The following GPC5 variants were observed in gnomAD, a reference collection of about 807,000 sequenced individuals.
GPC5 encodes the protein glypican-5.
A neutral mutation model predicts 53.9 loss-of-function variants in GPC5; 47 were observed. That is an observed-to-expected ratio of 0.87 (90% CI 0.69 to 1.11). GPC5 has a LOEUF of 1.11. GPC5 is among the 50% of genes most tolerant of loss of function. The probability of loss-of-function intolerance (pLI) is 0.00; values close to 1 mark genes in which losing one functional copy is unlikely to be tolerated. For missense variants in GPC5, 748 were observed against 713.1 expected (o/e 1.05, Z -0.56); for synonymous variants, 286 against 263.3 (o/e 1.09, Z -0.84).
At chr13:91,504,343 G>T (rs1417662348) in intron 2 of GPC5, among the ~76,000 whole-genome samples, 1 of 151,958 alleles carries the variant, frequency 6.6e-6, no homozygotes, top group African/African-American at 2.4e-5. Context: ...AAGTCAGGAA[G>T]AATATCAGGA....
At chr13:91,430,143 T>C (rs79786943) in intron 1 of GPC5, among the ~76,000 whole-genome samples, 5,458 of 152,302 alleles carry the variant, frequency 0.036, 145 homozygotes, top group Middle Eastern at 0.068. Context: ...GACTGTACCA[T>C]ACTGGATATG....
intron 7 of GPC5, among the ~76,000 whole-genome samples, chr13:92,547,891 G>A (rs1406030991): frequency 1.4e-5 from 2 of 141,590 alleles, no homozygotes; most frequent in African/African-American, 2.7e-5. Flanking sequence ...GTGCAGTGGC[G>A]CGATCTCGGC....
At chr13:91,521,458 A>C (rs1429869308) in intron 2 of GPC5, among the ~76,000 whole-genome samples, 2 of 152,180 alleles carry the variant, frequency 1.3e-5, no homozygotes, top group African/African-American at 4.8e-5. Flanking sequence ...CATACAGATA[A>C]ATAGAAATAC....
chr13:92,682,997 G>A (rs888512436), intron 7 of GPC5, among the ~76,000 whole-genome samples: 1 of 152,160 alleles, frequency 6.6e-6, no homozygotes, highest in Non-Finnish European at 1.5e-5. Context: ...ACAAAACCCA[G>A]TGTAGTCAAG....
intron 7 of GPC5, among the ~76,000 whole-genome samples, chr13:92,409,555 T>C (rs1875952261): frequency 6.6e-6 from 1 of 152,040 alleles, no homozygotes; most frequent in Admixed American, 6.6e-5. Context: ...CTGTTGTGAA[T>C]GATAATACAT....
intron 7 of GPC5, among the ~76,000 whole-genome samples, chr13:92,461,881 G>C (rs530968496): frequency 6.6e-6 from 1 of 152,304 alleles, no homozygotes; most frequent in East Asian, 1.9e-4. Context: ...ACAACAGCCT[G>C]AGCTAAGACA....
intron 2 of GPC5, among the ~76,000 whole-genome samples, chr13:91,672,938 C>T (rs180546): frequency 0.22 from 33,847 of 152,050 alleles, 5,069 homozygotes; most frequent in African/African-American, 0.43. Context: ...TGCAGGGACA[C>T]GGATGAAGCT....
chr13:92,395,906 T>TG (rs34711585), intron 7 of GPC5, among the ~76,000 whole-genome samples: 2,696 of 146,082 alleles, frequency 0.018, 50 homozygotes, highest in Middle Eastern at 0.057. Context: ...TGTTTGTTTC[T>TG]GTTTTTTTTT....
chr13:92,223,182 C>G (rs180681196), intron 7 of GPC5, among the ~76,000 whole-genome samples: 1 of 152,148 alleles, frequency 6.6e-6, no homozygotes, highest in Non-Finnish European at 1.5e-5. Flanking sequence ...CGAGTTTACA[C>G]TTGACCTCAA....
At chr13:92,243,868 C>T (rs1333487551) in intron 7 of GPC5, among the ~76,000 whole-genome samples, 1 of 152,034 alleles carries the variant, frequency 6.6e-6, no homozygotes, top group Admixed American at 6.6e-5. Flanking sequence ...CAGAACCTAC[C>T]CTTTTTGGTA....
chr13:91,592,644 T>C (rs2032843976), intron 2 of GPC5, among the ~76,000 whole-genome samples: 1 of 152,232 alleles, frequency 6.6e-6, no homozygotes, highest in Admixed American at 6.5e-5. Context: ...CTTAGCTGTG[T>C]GCTCCAGCCC....
At chr13:92,781,617 C>A (rs1486184369) in intron 7 of GPC5, among the ~76,000 whole-genome samples, 1 of 152,056 alleles carries the variant, frequency 6.6e-6, no homozygotes, top group Non-Finnish European at 1.5e-5. Flanking sequence ...AAATTAACAA[C>A]AAGAAATGCA....
intron 7 of GPC5, among the ~76,000 whole-genome samples, chr13:92,209,638 T>C (rs2042360670): frequency 6.6e-6 from 1 of 152,050 alleles, no homozygotes; most frequent in Non-Finnish European, 1.5e-5. Context: ...ACACAGTAGA[T>C]ATAAAAATAA....
chr13:91,929,501 G>A (rs887244365), intron 6 of GPC5, among the ~76,000 whole-genome samples: 12 of 151,998 alleles, frequency 7.9e-5, no homozygotes, highest in Admixed American at 2.0e-4. Context: ...AATTTTCAAC[G>A]TAAACTTTTA....
intron 7 of GPC5, among the ~76,000 whole-genome samples, chr13:92,292,934 A>G: frequency 6.7e-6 from 1 of 149,834 alleles, no homozygotes; most frequent in Admixed American, 6.7e-5. Context: ...TCCTTTCCCC[A>G]CTTTATATTT....
intron 7 of GPC5, among the ~76,000 whole-genome samples, chr13:92,212,264 G>A (rs1046146618): frequency 5.9e-5 from 9 of 152,202 alleles, no homozygotes; most frequent in African/African-American, 2.2e-4. Flanking sequence ...GACAGATAGA[G>A]GTGAAGCAGT....
chr13:92,178,785 G>C (rs1043384619), intron 7 of GPC5, among the ~76,000 whole-genome samples: 13 of 151,982 alleles, frequency 8.6e-5, no homozygotes, highest in African/African-American at 3.1e-4. Context: ...GACCATCCTG[G>C]TTAACATGGT....
rs564338459 is a variant in GPC5, at chr13:92,561,132, T to G, written c.1562-305150T>G. ...GGAGTAGCCATAGTAAAATCCTTCT[T>G]CGGTGAAGTAATAGTGTAACATAAT... is the stretch of plus-strand genomic sequence containing the variant. On this transcript the variant is annotated intron_variant, in intron 7 of 7. Coordinates refer to ENST00000377067, the MANE Select transcript of GPC5 (RefSeq NM_004466.6). 2.5e-3 allele frequency among the ~76,000 whole-genome samples: 374 copies of G among 152,038 alleles called. 1 individual carries two copies. Among genetic ancestry groups the G allele is most frequent in the African/African-American group, 8.3e-3 (343 of 41,510 alleles).
At chr13:92,294,318 G>A (rs894101604) in intron 7 of GPC5, among the ~76,000 whole-genome samples, 3 of 152,132 alleles carry the variant, frequency 2.0e-5, no homozygotes, top group Non-Finnish European at 4.4e-5. Flanking sequence ...AATCCGTCTG[G>A]TCCTGGAGTT....
Sources: allele counts gnomAD v4.1 joint callset (sites outside exome capture counted in the v4.1 genomes callset), GRCh38; gene constraint gnomAD v4.1.1; transcripts MANE v1.5; gene names NCBI Gene and HGNC (gene_info 2026-07-23, HGNC 2026-07-21).